Variants in CC2D2B observed in about 807,000 individuals in gnomAD.
CC2D2B encodes the protein coiled-coil and C2 domain containing 2B, also known as protein CC2D2B.
In CC2D2B, 128 loss-of-function variants were observed where a neutral mutation model predicts 161.2. The ratio of observed to expected loss-of-function variants is 0.79; its 90% confidence interval spans 0.69 to 0.92. The LOEUF is 0.92. CC2D2B is among the 40% of genes least tolerant of loss of function. The pLI is 0.00. For synonymous variants in CC2D2B, 391 were observed against 449.8 expected (o/e 0.87, Z 1.65); for missense variants, 1,173 against 1,375.1 (o/e 0.85, Z 2.32).
intron 12 of CC2D2B, among the ~76,000 whole-genome samples, chr10:95,963,426 G>C (rs1436082437): frequency 2.6e-5 from 4 of 152,116 alleles, no homozygotes; most frequent in Admixed American, 2.6e-4. Flanking sequence ...TCATGTATTT[G>C]GTTTGGGGCA....
chr10:95,988,296 A>C lies in CC2D2B; in HGVS notation c.2333A>C (p.Asn778Thr). 4 of 1,228,118 alleles carry C rather than the reference A, an allele frequency of 3.3e-6. No homozygotes were observed. In the Admixed American group the frequency reaches 1.7e-4, roughly 52 times the overall value. The allele number at this position is 1,228,118 out of a possible 1,614,324, so 76.1% of individuals were successfully genotyped here. A position where few individuals can be genotyped will look rare whatever the true frequency, so the allele number is the denominator to read the frequency against. ...AAGGAGGTATCCGTTTCAGATGTAA[A>C]TTCTATTACAGCACAAAGGATTAAT... is the stretch of plus-strand genomic sequence containing the variant. ...KEKEVSVSDVNSITAQRINSA... is the reference protein window; with the variant it reads ...KEKEVSVSDVTSITAQRINSA... The change falls in exon 20 of 35, where the codon AAT becomes ACT. Residue 778 changes from asparagine to threonine, a missense_variant. This residue lies in a region of CC2D2B where 277 missense variants were observed against 420.6 expected (regional missense o/e 0.66). Transcript: ENST00000646931.
intron 13 of CC2D2B, 64 bp downstream of exon 13, chr10:95,966,062 GTGAAATCT>G (rs2076929686): frequency 1.3e-6 from 1 of 761,560 alleles, no homozygotes; most frequent in African/African-American, 1.8e-5. Flanking sequence ...TTGATAGAAT[GTGAAATCT>G]TGGTATTTCT....
At chr10:95,973,950 C>T (rs2077230459) in intron 16 of CC2D2B, 59 bp from the exon 17 acceptor site, 1 of 1,012,080 alleles carries the variant, frequency 9.9e-7, no homozygotes. Context: ...AAAAAACCCA[C>T]AATGTGCTTC....
intron 20 of CC2D2B, among the ~76,000 whole-genome samples, chr10:95,989,785 G>C (rs1463559873): frequency 1.3e-5 from 2 of 152,070 alleles, no homozygotes; most frequent in East Asian, 1.9e-4. Flanking sequence ...TAAAACTACA[G>C]GTTTGAAAAA....
At chr10:95,913,182 G>T (rs931481224) in intron 2 of CC2D2B, among the ~76,000 whole-genome samples, 1 of 146,942 alleles carries the variant, frequency 6.8e-6, no homozygotes, top group East Asian at 2.0e-4. Context: ...TTAATTTTCA[G>T]TTCTCACAAA....
At chr10:95,957,619 G>A (rs368025004) in intron 11 of CC2D2B, among the ~76,000 whole-genome samples, 3 of 134,014 alleles carry the variant, frequency 2.2e-5, no homozygotes, top group East Asian at 4.4e-4. Context: ...AGAGTGCAGT[G>A]ACACAATCTC....
At chr10:95,981,669 A>C (rs2141591757) in intron 17 of CC2D2B, among the ~76,000 whole-genome samples, 1 of 152,314 alleles carries the variant, frequency 6.6e-6, no homozygotes, top group African/African-American at 2.4e-5. Flanking sequence ...CATTCATTTA[A>C]GCATCTACAG....
intron 32 of CC2D2B, chr10:96,020,689 G>A (rs1306926871): frequency 1.3e-5 from 2 of 152,116 alleles, no homozygotes; most frequent in African/African-American, 4.8e-5. Flanking sequence ...CATAGAAGCA[G>A]TAACTTACAT....
chr10:96,020,598 A>T (rs1466605743), intron 32 of CC2D2B: 4 of 152,182 alleles, frequency 2.6e-5, no homozygotes, highest in African/African-American at 9.7e-5. Flanking sequence ...AGGAGACAGG[A>T]GCCCAGAGGG....
At chr10:95,973,861 C>CAAAA (rs576579109) in intron 16 of CC2D2B, 148 bp from the exon 17 acceptor site, 4,154 of 233,016 alleles carry the variant, frequency 0.018, 23 homozygotes, top group Middle Eastern at 0.031. Context: ...AACTCTGTCT[C>CAAAA]AAAAAAAAAA....
At chr10:95,995,410 G>A in intron 23 of CC2D2B, 45 bp downstream of exon 23, 1 of 966,450 alleles carries the variant, frequency 1.0e-6, no homozygotes, top group Non-Finnish European at 1.5e-6. Context: ...GATTATGTTT[G>A]TTCTGAATTA....
chr10:96,002,580 T>G (rs1417384505), intron 24 of CC2D2B, among the ~76,000 whole-genome samples: 1 of 152,178 alleles, frequency 6.6e-6, no homozygotes, highest in African/African-American at 2.4e-5. Flanking sequence ...TAGCACAATG[T>G]TGTAAATAAA....
chr10:95,925,779 G>A (rs1340149192), intron 5 of CC2D2B, among the ~76,000 whole-genome samples: 2 of 152,196 alleles, frequency 1.3e-5, no homozygotes, highest in African/African-American at 4.8e-5. Context: ...CAAAGCTGTA[G>A]TTTTCCATTT....
Position 95,950,080 on chromosome 10 carries a change from A to G in CC2D2B, c.986A>G (p.Asn329Ser), listed in dbSNP as rs2076348049. ...YECFQDRQQQ[N>S]VSQLLYEKLK... is the part of the protein sequence containing the mutation. Reference sequence around the variant, plus strand: ...TGTTTTCAGGACAGGCAGCAACAGAATGTATCTCAGCTGCTTTATGAGAAG... The same window carrying G: ...TGTTTTCAGGACAGGCAGCAACAGAGTGTATCTCAGCTGCTTTATGAGAAG... The change falls in exon 10 of 35, where the codon AAT becomes AGT. Residue 329 changes from asparagine (N) to serine (S), a missense_variant. Coordinates refer to ENST00000646931, the MANE Select transcript of CC2D2B (RefSeq NM_001349008.3). The G allele has an allele frequency of 2.5e-6, 1 of 398,690 alleles. No individual in the cohort carries two copies. Among genetic ancestry groups the G allele is most frequent in the Admixed American group, 4.4e-5 (1 of 22,704 alleles). 24.7% of individuals were successfully genotyped at this position (398,690 alleles called of 1,614,324 possible).
chr10:95,993,007 A>T (rs1369921836), intron 22 of CC2D2B: 1 of 183,918 alleles, frequency 5.4e-6, no homozygotes, highest in Non-Finnish European at 1.1e-5. Context: ...AAAATTCTGA[A>T]GCTTCTGCTG....
Position 95,996,183 on chromosome 10 carries a change from C to T in CC2D2B, c.2780C>T (p.Thr927Ile). The change falls in exon 24 of 35, where the codon ACT becomes ATT. Residue 927 changes from threonine (T) to isoleucine (I), a missense_variant. Physicochemically the swap from Thr to Ile is moderately conservative, Grantham distance 89. Around this residue, in one of 3 missense-constraint regions of CC2D2B, gnomAD observed 598 missense variants for 693.2 expected, o/e 0.86. Transcript: ENST00000646931. ...HPFVEVSFQHTVYKTNTASGS... is the reference protein window; with the variant it reads ...HPFVEVSFQHIVYKTNTASGS... ...TTCGTGGAAGTTTCTTTCCAGCACA[C>T]TGTATACAAAACCAATACAGCAAGT... 1 of 1,516,774 alleles carries T rather than the reference C, an allele frequency of 6.6e-7. No individual in the cohort carries two copies. Among genetic ancestry groups the T allele is most frequent in the Non-Finnish European group, 8.8e-7 (1 of 1,133,902 alleles). 94.0% of individuals were successfully genotyped at this position (1,516,774 alleles called of 1,614,324 possible).
At chr10:95,964,952 A>G (rs868487890) in intron 12 of CC2D2B, among the ~76,000 whole-genome samples, 1 of 152,118 alleles carries the variant, frequency 6.6e-6, no homozygotes, top group Non-Finnish European at 1.5e-5. Context: ...CACTCCTCAC[A>G]TATGCAGACA....
chr10:95,954,461 A>C (rs1289627794), intron 10 of CC2D2B, among the ~76,000 whole-genome samples: 1 of 152,174 alleles, frequency 6.6e-6, no homozygotes, highest in Non-Finnish European at 1.5e-5. Context: ...TCTGTTCCTC[A>C]TATGACATAT....
intron 14 of CC2D2B, 42 bp from the exon 15 acceptor site, chr10:95,968,682 T>C (rs900988631): frequency 1.2e-6 from 1 of 809,442 alleles, no homozygotes; most frequent in African/African-American, 1.8e-5. Flanking sequence ...TTATGTCTGT[T>C]GTACTTTTTA....
Sources: gnomAD v4.1 joint callset for allele counts (sites outside exome capture counted in the v4.1 genomes callset) on GRCh38, gnomAD v4.1.1 for gene constraint, gnomAD v4.1.1 regional missense constraint, MANE v1.5 for transcripts, NCBI Gene and HGNC (gene_info 2026-07-23, HGNC 2026-07-21) for gene names.